The following RRP12 variants were observed in gnomAD, a reference collection of about 807,000 sequenced individuals.
RRP12 encodes RRP12-like protein.
A neutral mutation model predicts 157.3 loss-of-function variants in RRP12; 78 were observed. The observed-to-expected ratio is 0.50, with a 90% CI of 0.41 to 0.60. The LOEUF is 0.60. Ranked by LOEUF, RRP12 falls within the 20% of genes least tolerant of loss-of-function variation. The probability of loss-of-function intolerance (pLI) is 0.00; values close to 1 mark genes in which losing one functional copy is unlikely to be tolerated. For synonymous variants in RRP12, 726 were observed against 670.9 expected, an observed-to-expected ratio of 1.08 and a Z score of -1.27; for missense variants, 1,521 against 1,679.9, an observed-to-expected ratio of 0.91 and a Z score of 1.65.
rs192443112 is a variant in RRP12 at position 97,364,118 on chromosome 10, G to A, written c.3518-215C>T. Among the ~76,000 whole-genome samples the A allele has an allele frequency of 5.5e-4, 84 of 152,214 alleles. 1 individual carries two copies. The South Asian group carries it at 0.016, about 30-fold the overall frequency. ...CCCACCCTAGGCCCTAGGGATAACG[G>A]CCCCTCAAAGAAGCGGTGATCCTAC... On this transcript the variant is annotated intron_variant, in intron 29 of 33. Coordinates refer to ENST00000370992, the MANE Select transcript of RRP12 (RefSeq NM_015179.4).
At chr10:97,378,021 C>T (rs903876647) in intron 15 of RRP12, among the ~76,000 whole-genome samples, 3 of 152,136 alleles carry the variant, frequency 2.0e-5, no homozygotes, top group African/African-American at 7.2e-5. Context: ...CCTATCCTCA[C>T]GTAGGCCTGA....
chr10:97,397,177 T>C (rs893036288), intron 2 of RRP12, among the ~76,000 whole-genome samples: 19 of 152,154 alleles, frequency 1.2e-4, no homozygotes, highest in African/African-American at 3.4e-4. Context: ...GTTGTTGTTT[T>C]TGAGACAGAG....
chr10:97,364,484 C>T (rs747884869), intron 29 of RRP12, among the ~76,000 whole-genome samples: 3 of 152,126 alleles, frequency 2.0e-5, no homozygotes, highest in Non-Finnish European at 4.4e-5. Flanking sequence ...TCTGGGAGGC[C>T]GAGGAGGGAG....
intron 15 of RRP12, among the ~76,000 whole-genome samples, chr10:97,377,086 G>C (rs1166308286): frequency 6.6e-6 from 1 of 151,690 alleles, no homozygotes; most frequent in African/African-American, 2.4e-5. Context: ...CATCATGTTG[G>C]CCAGGCTGGT....
At chr10:97,380,939 G>T in intron 12 of RRP12, 26 bp from the exon 13 acceptor site, 1 of 1,570,076 alleles carries the variant, frequency 6.4e-7, no homozygotes, top group Non-Finnish European at 8.8e-7. Flanking sequence ...CACAGTCAGG[G>T]CCACGGTCAC....
At chr10:97,394,582 G>T (rs61861870) in intron 3 of RRP12, among the ~76,000 whole-genome samples, 36,325 of 151,840 alleles carry the variant, frequency 0.24, 4,657 homozygotes, top group South Asian at 0.34. Flanking sequence ...TAGAGACAGG[G>T]TCCCACTATA....
At chr10:97,366,697 T>C (rs766397719) in intron 27 of RRP12, 45 bp downstream of exon 27, 2 of 1,601,842 alleles carry the variant, frequency 1.2e-6, no homozygotes, top group East Asian at 4.5e-5. Context: ...GGCAGGCCCT[T>C]GGGTTGGGGG....
rs1844395987 is a variant in RRP12, at chr10:97,379,301, T to C, written c.1790A>G (p.Lys597Arg). The change falls in exon 15 of 34, where the codon AAG (lysine) becomes AGG (arginine). Residue 597 changes from lysine to arginine, a missense_variant. Transcript: ENST00000370992. ...TYFLPLANTL[K>R]SKAMDLAQAG... ...GCAAGGGTCTCTCCTACCTTTGCTC[T>C]TCAGGGTGTTAGCCAGGGGCAAGAA... 1 of 1,614,014 alleles carries C rather than the reference T, an allele frequency of 6.2e-7. No individual in the cohort carries two copies. The highest frequency in any genetic ancestry group is 1.7e-5 in the Admixed American group (1 of 60,014).
At chr10:97,381,522 GC>G (rs1844467338) in intron 11 of RRP12, 39 bp from the exon 12 acceptor site, 2 of 1,518,254 alleles carry the variant, frequency 1.3e-6, no homozygotes, top group African/African-American at 1.4e-5. Flanking sequence ...GCCCAAGGCA[GC>G]CCCCCAGGAC....
At chr10:97,392,011 T>C (rs1844819899) in intron 4 of RRP12, among the ~76,000 whole-genome samples, 1 of 151,830 alleles carries the variant, frequency 6.6e-6, no homozygotes, top group South Asian at 2.1e-4. Context: ...GTTTTTTTTT[T>C]TTCTTTTTTT....
chr10:97,389,613 C>T (rs1050402640), intron 6 of RRP12, among the ~76,000 whole-genome samples: 2 of 152,200 alleles, frequency 1.3e-5, no homozygotes, highest in Admixed American at 6.6e-5. Context: ...GGAACCATCA[C>T]TCACCAAGCA....
rs1368158423 is a variant in RRP12 at position 97,373,618 on chromosome 10, C to A, written c.1983G>T (p.Val661=). The change falls in exon 17 of 34, where the codon GTG becomes GTT. Residue 661 remains valine (V), a synonymous_variant. Transcript: ENST00000370992. ...ISERPDLRVT[V]CQALRTLITK... ...TGATGAGGGTGCGCAGGGCCTGGCA[C>A]ACGGTGACCCTCAGGTCTGGACGCT... 3.1e-6 allele frequency: 5 copies of A among 1,612,474 alleles called. No homozygotes were observed. The highest frequency in any genetic ancestry group is 3.5e-4 in the Middle Eastern group (2 of 5,724).
At chr10:97,387,335 CTT>C (rs34534343) in intron 8 of RRP12, among the ~76,000 whole-genome samples, 37 of 137,844 alleles carry the variant, frequency 2.7e-4, no homozygotes, top group Middle Eastern at 3.4e-3. Context: ...TTTCTTTTTC[CTT>C]TTTTTTTTTT....
In RRP12 at chr10:97,357,180, G is replaced by A. The variant is rs745740852; in HGVS notation, c.3808C>T (p.Gln1270Ter). 6.2e-7 allele frequency: 1 copy of A among 1,609,650 alleles called. No homozygotes were observed. Among genetic ancestry groups the A allele is most frequent in the South Asian group, 1.1e-5 (1 of 90,720 alleles). Residue 1270 changes from glutamine to a stop codon, truncating the protein, a stop_gained, in exon 34 of 34, where the codon CAG (glutamine) becomes TAG (stop). Coordinates refer to ENST00000370992, the MANE Select transcript of RRP12 (RefSeq NM_015179.4). LOFTEE classifies it high-confidence loss of function. Reference protein sequence around the residue: ...KLNRRKKMKLQGQFKGLVKAA... With the variant: ...KLNRRKKMKL Reference sequence around the variant, plus strand: ...TTCACCAGGCCTTTGAACTGTCCCTGCAGCTTCATCTTCTTCCTGCAGGGC... The same window carrying A: ...TTCACCAGGCCTTTGAACTGTCCCTACAGCTTCATCTTCTTCCTGCAGGGC...
chr10:97,395,467 G>C (rs1844932778), intron 3 of RRP12, among the ~76,000 whole-genome samples: 1 of 151,262 alleles, frequency 6.6e-6, no homozygotes, highest in Admixed American at 6.6e-5. Context: ...CATGAGAATT[G>C]CTTGATACCA....
At chr10:97,393,327 T>TA (rs1554882320) in intron 4 of RRP12, 1 of 450,440 alleles carries the variant, frequency 2.2e-6, no homozygotes, top group Non-Finnish European at 4.4e-6. Flanking sequence ...GCAGGCCCTA[T>TA]AGACATGCCT....
chr10:97,398,034 TACGTA>T (rs1564772572), intron 2 of RRP12, among the ~76,000 whole-genome samples: 1 of 86,448 alleles, frequency 1.2e-5, no homozygotes, highest in African/African-American at 6.0e-5. Context: ...TATATATATA[TACGTA>T]TTTTTTTTTT....
At chr10:97,391,817 A>G (rs1287391267) in intron 4 of RRP12, among the ~76,000 whole-genome samples, 1 of 151,698 alleles carries the variant, frequency 6.6e-6, no homozygotes, top group Non-Finnish European at 1.5e-5. Flanking sequence ...GCTACTTGAC[A>G]GGCTGAGGCA....
At position 97,388,732 on chromosome 10, in the gene RRP12, A is replaced by G. The variant is rs772698011; in HGVS notation, c.754-108T>C. ...TAGCTTTGGCTGAAATATAGATCCA[A>G]TGATGATCTGACTACTATAGATCCA... On this transcript the variant is annotated intron_variant, in intron 6 of 33. Coordinates refer to ENST00000370992, the MANE Select transcript of RRP12 (RefSeq NM_015179.4). 87 of 1,342,356 alleles carry G rather than the reference A, an allele frequency of 6.5e-5. 1 individual carries two copies. The highest frequency in any genetic ancestry group is 1.4e-4 in the Admixed American group (7 of 48,514). The allele number at this position is 1,342,356 out of a possible 1,614,324, so 83.2% of individuals were successfully genotyped here.
Sources: allele counts gnomAD v4.1 joint callset (sites outside exome capture counted in the v4.1 genomes callset), GRCh38; gene constraint gnomAD v4.1.1; transcripts MANE v1.5; gene names NCBI Gene and HGNC (gene_info 2026-07-23, HGNC 2026-07-21).